Variants in VMP1 observed in about 807,000 individuals in gnomAD.
The protein encoded by VMP1 is vacuole membrane protein 1, also known as ectopic P-granules autophagy protein 3 homolog.
Under a neutral mutation model 56.0 loss-of-function variants are expected in VMP1, and 11 were observed. The observed-to-expected ratio is 0.20, with a 90% confidence interval of 0.12 to 0.32. The LOEUF is 0.32. Among genes scored for constraint, VMP1 ranks in the 10% least tolerant of loss-of-function variants. The pLI is 1.00. For synonymous variants in VMP1, 149 were observed against 165.0 expected (o/e 0.90, Z 0.74); for missense variants, 296 against 490.3 (o/e 0.60, Z 3.74).
chr17:59,728,280 A>G (rs1224127266), intron 1 of VMP1, among the ~76,000 whole-genome samples: 2 of 152,252 alleles, frequency 1.3e-5, no homozygotes, highest in Admixed American at 6.5e-5. Context: ...CCATGACCAT[A>G]TCATATTCTG....
chr17:59,839,944 T>C lies in VMP1; in HGVS notation c.*33T>C, dbSNP rs1268249235. On this transcript the variant is annotated 3_prime_UTR_variant, in exon 12 of 12. Coordinates refer to ENST00000262291, the MANE Select transcript of VMP1 (RefSeq NM_030938.5). ...AAGTTTTAAACTGCAGAAATTGGAG[T>C]GGATGGGTTCTGCCTTAAATTGGGA... 11 of 1,606,746 alleles carry C rather than the reference T, an allele frequency of 6.8e-6. No individual in the cohort carries two copies. In the South Asian group the frequency reaches 1.1e-4, roughly 16 times the overall value.
chr17:59,787,447 A>G (rs1338690661), intron 7 of VMP1, among the ~76,000 whole-genome samples: 2 of 152,208 alleles, frequency 1.3e-5, no homozygotes, highest in African/African-American at 4.8e-5. Flanking sequence ...TCTTCTCAAC[A>G]TACATTCCCA....
At chr17:59,794,436 T>C (rs2037359997) in intron 7 of VMP1, among the ~76,000 whole-genome samples, 2 of 149,328 alleles carry the variant, frequency 1.3e-5, no homozygotes, top group South Asian at 4.2e-4. Context: ...GTCAGGCTGG[T>C]CTTGAACTCC....
At chr17:59,824,211 A>G (rs1336897069) in intron 10 of VMP1, among the ~76,000 whole-genome samples, 1 of 149,912 alleles carries the variant, frequency 6.7e-6, no homozygotes, top group Non-Finnish European at 1.5e-5. Flanking sequence ...AGATCACACC[A>G]CTGCACTCCA....
intron 11 of VMP1, 21 bp from the exon 12 acceptor site, chr17:59,839,747 G>T (rs1224774769): frequency 1.2e-6 from 2 of 1,602,200 alleles, no homozygotes; most frequent in Non-Finnish European, 1.7e-6. Flanking sequence ...TCATTGCATT[G>T]TTCTGCATTT....
Position 59,841,537 on chromosome 17 carries a change from C to A in VMP1, c.*1626C>A, listed in dbSNP as rs966656345. ...ATGACCACAAATAAATAAAGGAAAA[C>A]TAAGCTGCATTGTGGGTTTTGAAAA... On this transcript the variant is annotated 3_prime_UTR_variant, in exon 12 of 12. Coordinates refer to ENST00000262291, the MANE Select transcript of VMP1 (RefSeq NM_030938.5). 5.1e-5 allele frequency: 11 copies of A among 214,412 alleles called. No individual in the cohort carries two copies. Among genetic ancestry groups the A allele is most frequent in the Non-Finnish European group, 8.3e-5 (8 of 96,770 alleles). The allele number at this position is 214,412 out of a possible 1,614,324, so 13.3% of individuals were successfully genotyped here. A position where few individuals can be genotyped will look rare whatever the true frequency, so the allele number is the denominator to read the frequency against.
At chr17:59,762,711 T>G (rs1176042361) in intron 5 of VMP1, among the ~76,000 whole-genome samples, 3 of 152,144 alleles carry the variant, frequency 2.0e-5, no homozygotes, top group Non-Finnish European at 4.4e-5. Flanking sequence ...AAAATATATG[T>G]CAGTTTAGTT....
intron 5 of VMP1, among the ~76,000 whole-genome samples, chr17:59,744,668 G>A (rs1472412893): frequency 6.8e-6 from 1 of 147,840 alleles, no homozygotes; most frequent in African/African-American, 2.5e-5. Flanking sequence ...GAAAGAGAGA[G>A]ATGAAAGAAA....
chr17:59,737,894 C>G (rs773524967), intron 4 of VMP1, among the ~76,000 whole-genome samples: 2 of 152,004 alleles, frequency 1.3e-5, no homozygotes, highest in African/African-American at 2.4e-5. Context: ...TGTAGCCTCC[C>G]AAGTAGCTGG....
At chr17:59,805,561 T>A (rs1321200745) in intron 7 of VMP1, among the ~76,000 whole-genome samples, 1 of 151,950 alleles carries the variant, frequency 6.6e-6, no homozygotes, top group Non-Finnish European at 1.5e-5. Context: ...TGCCATCAGT[T>A]TGAAATGATG....
intron 5 of VMP1, among the ~76,000 whole-genome samples, chr17:59,739,396 T>C (rs8070345): frequency 0.41 from 62,799 of 152,108 alleles, 14,786 homozygotes; most frequent in Non-Finnish European, 0.53. Context: ...TAGAACTAAA[T>C]GCTTTCTTGA....
intron 3 of VMP1, 127 bp from the exon 4 acceptor site, chr17:59,737,326 G>A (rs879348832): frequency 2.5e-6 from 2 of 784,424 alleles, no homozygotes; most frequent in Non-Finnish European, 3.9e-6. Context: ...AGGCCATGAT[G>A]TGTAAGGAAA....
rs1428950304 is a variant in VMP1 at position 59,841,425 on chromosome 17, CCTT to C, written c.*1517_*1519del. The C allele has an allele frequency of 5.1e-6, 2 of 390,706 alleles. No homozygotes were observed. Among genetic ancestry groups the C allele is most frequent in the African/African-American group, 4.0e-5 (2 of 49,796 alleles). The allele number at this position is 390,706 out of a possible 1,614,324, so 24.2% of individuals were successfully genotyped here. A position where few individuals can be genotyped will look rare whatever the true frequency, so the allele number is the denominator to read the frequency against. ...ATTGTTTATAATCAGAAACTCTGGT[CCTT>C]CTGTCTGGTGGCACTTAGAGTCTTT... On this transcript the variant is annotated 3_prime_UTR_variant, in exon 12 of 12. Transcript: ENST00000262291.
intron 7 of VMP1, among the ~76,000 whole-genome samples, chr17:59,805,720 A>G (rs1422810953): frequency 6.6e-6 from 1 of 151,912 alleles, no homozygotes; most frequent in African/African-American, 2.4e-5. Flanking sequence ...TTCTAAATAC[A>G]ATACTTGTTG....
chr17:59,751,011 C>T (rs947923603), intron 5 of VMP1, among the ~76,000 whole-genome samples: 1 of 143,844 alleles, frequency 7.0e-6, no homozygotes, highest in South Asian at 2.2e-4. Flanking sequence ...TAGCTCACTG[C>T]AAACCCCGCC....
chr17:59,825,445 G>A (rs564302308), intron 10 of VMP1, among the ~76,000 whole-genome samples: 41 of 152,190 alleles, frequency 2.7e-4, no homozygotes, highest in South Asian at 6.2e-4. Flanking sequence ...GGAGAGACCT[G>A]TGCATATTTC....
chr17:59,811,841 T>A, intron 9 of VMP1, 55 bp downstream of exon 9: 1 of 1,190,978 alleles, frequency 8.4e-7, no homozygotes, highest in South Asian at 1.3e-5. Flanking sequence ...TACAAGACAA[T>A]GAAACATGCT....
At chr17:59,723,480 A>T (rs1277798861) in intron 1 of VMP1, among the ~76,000 whole-genome samples, 5 of 152,216 alleles carry the variant, frequency 3.3e-5, no homozygotes, top group Admixed American at 3.3e-4. Flanking sequence ...AGATTCAGTA[A>T]GACATGTCCT....
intron 5 of VMP1, among the ~76,000 whole-genome samples, chr17:59,762,357 A>G (rs2143971478): frequency 1.3e-5 from 2 of 152,296 alleles, no homozygotes; most frequent in East Asian, 1.9e-4. Flanking sequence ...TTTGTTTAGT[A>G]TGGTTAAAAA....
Sources: allele counts gnomAD v4.1 joint callset (sites outside exome capture counted in the v4.1 genomes callset), GRCh38; gene constraint gnomAD v4.1.1; transcripts MANE v1.5; gene names NCBI Gene and HGNC (gene_info 2026-07-23, HGNC 2026-07-21).